Variants in DSCAM observed in about 807,000 individuals in gnomAD.
The protein encoded by DSCAM is cell adhesion molecule DSCAM.
In DSCAM, 47 loss-of-function variants were observed where a neutral mutation model predicts 217.7. The ratio of observed to expected loss-of-function variants is 0.22; its 90% confidence interval spans 0.17 to 0.28. The LOEUF (loss-of-function observed/expected upper bound fraction) is 0.28, where lower values mean the gene tolerates loss of function less well. DSCAM is among the 10% of genes least tolerant of loss of function. DSCAM has a pLI of 1.00. For missense variants in DSCAM, 2,080 were observed against 2,618.3 expected (o/e 0.79, Z 4.49); for synonymous variants, 1,056 against 1,015.3 (o/e 1.04, Z -0.76).
chr21:40,762,915 A>G (rs2091349537), intron 1 of DSCAM, among the ~76,000 whole-genome samples: 2 of 152,222 alleles, frequency 1.3e-5, no homozygotes, highest in Non-Finnish European at 2.9e-5. Flanking sequence ...AAAACTCTCA[A>G]TAAACTAGGT....
chr21:40,035,496 A>G (rs1372964374), intron 32 of DSCAM, among the ~76,000 whole-genome samples: 2 of 131,250 alleles, frequency 1.5e-5, no homozygotes, highest in Non-Finnish European at 3.1e-5. Flanking sequence ...CCAATACAGG[A>G]GCACCCAGAT....
chr21:40,731,299 A>G (rs750516315), intron 1 of DSCAM, among the ~76,000 whole-genome samples: 24 of 152,214 alleles, frequency 1.6e-4, no homozygotes, highest in Non-Finnish European at 2.9e-5. Flanking sequence ...TGTTAACAAG[A>G]AGACAATTTC....
chr21:40,686,859 G>T (rs938055156), intron 3 of DSCAM, among the ~76,000 whole-genome samples: 1 of 152,110 alleles, frequency 6.6e-6, no homozygotes, highest in South Asian at 2.1e-4. Flanking sequence ...TGGCAGCGGG[G>T]TAACATGCAA....
At chr21:40,111,751 G>T (rs1266609139) in intron 20 of DSCAM, among the ~76,000 whole-genome samples, 1 of 152,054 alleles carries the variant, frequency 6.6e-6, no homozygotes, top group Non-Finnish European at 1.5e-5. Flanking sequence ...ACAAAAAAAG[G>T]CAGGGGTTGC....
chr21:40,709,609 G>A (rs1303647501), intron 1 of DSCAM, among the ~76,000 whole-genome samples: 2 of 152,066 alleles, frequency 1.3e-5, no homozygotes, highest in East Asian at 1.9e-4. Context: ...CTGTTCCTGT[G>A]TTAGTTTGTT....
intron 1 of DSCAM, among the ~76,000 whole-genome samples, chr21:40,743,647 T>TA (rs986698643): frequency 2.6e-5 from 4 of 151,968 alleles, no homozygotes; most frequent in Admixed American, 2.0e-4. Context: ...GAAGTACATT[T>TA]AAAAAAAAAT....
intron 30 of DSCAM, among the ~76,000 whole-genome samples, chr21:40,049,780 T>G (rs2088898865): frequency 6.6e-6 from 1 of 152,152 alleles, no homozygotes; most frequent in Non-Finnish European, 1.5e-5. Flanking sequence ...TGACCACTGG[T>G]TTACAGTATC....
At chr21:40,348,881 C>T (rs1202151768) in intron 5 of DSCAM, among the ~76,000 whole-genome samples, 1 of 152,024 alleles carries the variant, frequency 6.6e-6, no homozygotes, top group African/African-American at 2.4e-5. Flanking sequence ...GTGGCTCACA[C>T]CTGTAATCCC....
At chr21:40,594,487 A>G (rs908516296) in intron 3 of DSCAM, among the ~76,000 whole-genome samples, 10 of 152,214 alleles carry the variant, frequency 6.6e-5, no homozygotes, top group Admixed American at 5.9e-4. Flanking sequence ...TCTGAAAAAT[A>G]AAAACACTAA....
chr21:40,381,095 C>T (rs1273896470), intron 3 of DSCAM, among the ~76,000 whole-genome samples: 1 of 137,872 alleles, frequency 7.3e-6, no homozygotes, highest in African/African-American at 2.7e-5. Flanking sequence ...GAAAATAGAA[C>T]TGATAGGACA....
intron 10 of DSCAM, among the ~76,000 whole-genome samples, chr21:40,289,033 T>C (rs559528006): frequency 6.6e-6 from 1 of 152,346 alleles, no homozygotes; most frequent in Non-Finnish European, 1.5e-5. Flanking sequence ...TGACCCTTTG[T>C]ATATAAACAA....
At chr21:40,234,943 C>T (rs571846034) in intron 11 of DSCAM, among the ~76,000 whole-genome samples, 2 of 152,144 alleles carry the variant, frequency 1.3e-5, no homozygotes, top group South Asian at 2.1e-4. Context: ...ACTTAGTTGC[C>T]CTATGTCTGC....
At chr21:40,343,857 TTTTA>T (rs2074527509) in intron 6 of DSCAM, among the ~76,000 whole-genome samples, 1 of 150,434 alleles carries the variant, frequency 6.6e-6, no homozygotes, top group East Asian at 1.9e-4. Context: ...TTTTATTTCA[TTTTA>T]TTTTATTTTT....
intron 3 of DSCAM, among the ~76,000 whole-genome samples, chr21:40,403,629 G>GCA (rs3069908): frequency 0.16 from 22,614 of 145,666 alleles, 1,722 homozygotes; most frequent in African/African-American, 0.19. Flanking sequence ...GCATGCATGT[G>GCA]CACACACACA....
intron 3 of DSCAM, among the ~76,000 whole-genome samples, chr21:40,577,286 G>A (rs1221947236): frequency 1.4e-5 from 2 of 147,640 alleles, no homozygotes; most frequent in African/African-American, 2.5e-5. Context: ...CGACCAGGCC[G>A]CTTCCCTCTT....
At chr21:40,662,339 T>A (rs2090147719) in intron 3 of DSCAM, among the ~76,000 whole-genome samples, 3 of 152,162 alleles carry the variant, frequency 2.0e-5, no homozygotes, top group Non-Finnish European at 4.4e-5. Context: ...ATGCCAGCCT[T>A]AATATGTGCT....
rs186239892 is a variant in DSCAM, at chr21:40,039,868, C to T, written c.5686+2503G>A. ...AAAAAGGACCATCAGAAAAGAAGCT[C>T]TAAAGTTGAGGAGGAAGAAATTGAG... On this transcript the variant is annotated intron_variant, in intron 32 of 32. Transcript: ENST00000400454. Among the ~76,000 whole-genome samples, 339 of 152,094 alleles carry T rather than the reference C, an allele frequency of 2.2e-3. 3 individuals are homozygous for T. Among genetic ancestry groups the T allele is most frequent in the African/African-American group, 7.7e-3 (319 of 41,502 alleles).
intron 1 of DSCAM, among the ~76,000 whole-genome samples, chr21:40,828,282 A>G (rs2091985648): frequency 6.6e-6 from 1 of 152,214 alleles, no homozygotes; most frequent in African/African-American, 2.4e-5. Flanking sequence ...AAAGTCTTTA[A>G]GCAGATGGGA....
At chr21:40,711,129 A>C (rs761853026) in intron 1 of DSCAM, among the ~76,000 whole-genome samples, 17 of 151,400 alleles carry the variant, frequency 1.1e-4, no homozygotes, top group Non-Finnish European at 1.9e-4. Context: ...TTGTTTTCTC[A>C]TCTTAGAACC....
Sources: gnomAD v4.1 joint callset for allele counts (sites outside exome capture counted in the v4.1 genomes callset) on GRCh38, gnomAD v4.1.1 for gene constraint, MANE v1.5 for transcripts, NCBI Gene and HGNC (gene_info 2026-07-23, HGNC 2026-07-21) for gene names.